The following SPATA6L variants were observed in gnomAD, a reference collection of about 807,000 sequenced individuals.
SPATA6L encodes spermatogenesis associated 6-like protein.
SPATA6L carries 68 observed loss-of-function variants against 49.2 expected under a neutral mutation model. The observed-to-expected ratio is 1.38, with a 90% CI of 1.14 to 1.69. The LOEUF is 1.69. SPATA6L is among the 40% of genes most tolerant of loss of function. The pLI is 0.00. For synonymous variants in SPATA6L, 198 were observed against 165.7 expected (o/e 1.19, Z -1.50); for missense variants, 668 against 464.3 (o/e 1.44, Z -4.03).
intron 3 of SPATA6L, among the ~76,000 whole-genome samples, chr9:4,642,807 A>G (rs1472020923): frequency 6.6e-6 from 1 of 152,008 alleles, no homozygotes; most frequent in Non-Finnish European, 1.5e-5. Context: ...TAAAAATAAG[A>G]ATTTATAACA....
chr9:4,646,412 TC>T, intron 3 of SPATA6L: 1 of 951,198 alleles, frequency 1.1e-6, no homozygotes, highest in Non-Finnish European at 1.5e-6. Context: ...TTAAGTACAG[TC>T]CCCATTTTGA....
Position 4,662,299 on chromosome 9 carries a change from G to A in SPATA6L, c.40-263C>T. 1 of 1,434,940 alleles carries A rather than the reference G, an allele frequency of 7.0e-7. No individual in the cohort carries two copies. The highest frequency in any genetic ancestry group is 9.1e-7 in the Non-Finnish European group (1 of 1,099,642). The allele number at this position is 1,434,940 out of a possible 1,614,324, so 88.9% of individuals were successfully genotyped here. Reference sequence around the variant, plus strand: ...CCCCGCCCCTCCGGGATGGTAGTGCGGAAGCGGAAGAGGCTGCAGGGCCGG... The same window carrying A: ...CCCCGCCCCTCCGGGATGGTAGTGCAGAAGCGGAAGAGGCTGCAGGGCCGG... On this transcript the variant is annotated intron_variant, in intron 1 of 11. Transcript: ENST00000682582. The surrounding 1 kb of genome is among the most constrained non-coding windows in gnomAD (Gnocchi z 4.9).
At chr9:4,621,669 G>C (rs552137007) in intron 7 of SPATA6L, among the ~76,000 whole-genome samples, 3 of 152,234 alleles carry the variant, frequency 2.0e-5, no homozygotes, top group East Asian at 3.9e-4. Flanking sequence ...TGTATTTTTA[G>C]TAGAGATGGG....
intron 9 of SPATA6L, among the ~76,000 whole-genome samples, chr9:4,606,309 G>A (rs1324991353): frequency 7.0e-6 from 1 of 143,230 alleles, no homozygotes; most frequent in African/African-American, 2.7e-5. Context: ...GCTCAAGGAG[G>A]CCTGCCTGCC....
intron 5 of SPATA6L, chr9:4,626,372 C>T: frequency 7.8e-7 from 1 of 1,285,956 alleles, no homozygotes; most frequent in Non-Finnish European, 1.0e-6. Context: ...GTGGCACCAG[C>T]AGTGAGCAGT....
In SPATA6L at chr9:4,614,239, T is replaced by A. The variant is rs117711241; in HGVS notation, c.995+3684A>T. 7.4e-4 allele frequency among the ~76,000 whole-genome samples: 112 copies of A among 152,302 alleles called. 2 individuals are homozygous for A. The East Asian group carries it at 0.019, about 26-fold the overall frequency. ...GAACAGGCTTGGCAGTGTTTCTCCC[T>A]CCTTTAGTACTCCCATTGTTCACTC... On this transcript the variant is annotated intron_variant, in intron 9 of 11. Coordinates refer to ENST00000682582, the MANE Select transcript of SPATA6L (RefSeq NM_001353486.2).
chr9:4,638,608 G>T (rs1298162619), intron 3 of SPATA6L, among the ~76,000 whole-genome samples: 1 of 151,908 alleles, frequency 6.6e-6, no homozygotes, highest in Non-Finnish European at 1.5e-5. Flanking sequence ...CCCTGTGATG[G>T]GTATAATCCT....
At chr9:4,635,524 C>T (rs1832620673) in intron 3 of SPATA6L, 125 bp from the exon 4 acceptor site, 4 of 911,294 alleles carry the variant, frequency 4.4e-6, no homozygotes, top group African/African-American at 1.8e-5. Flanking sequence ...GATCCTAGCA[C>T]ATGTTATTCA....
At chr9:4,647,159 G>A (rs1173092054) in intron 3 of SPATA6L, among the ~76,000 whole-genome samples, 1 of 151,570 alleles carries the variant, frequency 6.6e-6, no homozygotes, top group South Asian at 2.1e-4. Flanking sequence ...ATAAATAAGT[G>A]TATACATACA....
chr9:4,634,901 G>A (rs1832465804), intron 4 of SPATA6L, among the ~76,000 whole-genome samples: 1 of 152,128 alleles, frequency 6.6e-6, no homozygotes, highest in African/African-American at 2.4e-5. Context: ...GAATTGTTGG[G>A]AGAAAAATAT....
At chr9:4,617,858 C>T in intron 9 of SPATA6L, 65 bp downstream of exon 9, 1 of 1,367,738 alleles carries the variant, frequency 7.3e-7, no homozygotes. Flanking sequence ...GTGAAATGAC[C>T]CAGCTTTACC....
intron 9 of SPATA6L, among the ~76,000 whole-genome samples, chr9:4,615,499 T>C (rs57794269): frequency 0.079 from 12,068 of 152,236 alleles, 631 homozygotes; most frequent in East Asian, 0.27. Context: ...TGAGAATTGC[T>C]GGCCTGCTGC....
At chr9:4,654,836 G>C (rs1837746471) in intron 3 of SPATA6L, among the ~76,000 whole-genome samples, 1 of 151,866 alleles carries the variant, frequency 6.6e-6, no homozygotes. Context: ...GGCATGGTGG[G>C]CCAGGATGGT....
intron 8 of SPATA6L, 130 bp from the exon 9 acceptor site, chr9:4,618,240 G>A (rs1828469715): frequency 3.0e-6 from 2 of 667,362 alleles, no homozygotes; most frequent in Admixed American, 3.1e-5. Context: ...GGGATCTCCT[G>A]CAAATAGAAG....
chr9:4,650,637 C>G (rs1275707491), intron 3 of SPATA6L, among the ~76,000 whole-genome samples: 1 of 152,062 alleles, frequency 6.6e-6, no homozygotes, highest in Non-Finnish European at 1.5e-5. Context: ...AGAGACATTA[C>G]CACTGATTTT....
At chr9:4,618,360 T>C (rs966273633) in intron 8 of SPATA6L, among the ~76,000 whole-genome samples, 3 of 152,176 alleles carry the variant, frequency 2.0e-5, no homozygotes, top group Non-Finnish European at 2.9e-5. Context: ...AATAAACTCA[T>C]GCTCTGAACT....
chr9:4,625,132 T>A, intron 6 of SPATA6L, 195 bp downstream of exon 6: 1 of 995,698 alleles, frequency 1.0e-6, no homozygotes, highest in Non-Finnish European at 1.4e-6. Flanking sequence ...AAGTCCCCTG[T>A]ATAAGGTACC....
intron 5 of SPATA6L, chr9:4,626,332 A>C (rs1389786983): frequency 1.6e-6 from 2 of 1,232,366 alleles, no homozygotes; most frequent in Non-Finnish European, 2.1e-6. Flanking sequence ...ATTTGAGTCT[A>C]GACCCACAGG....
At chr9:4,648,014 T>A (rs1835823301) in intron 3 of SPATA6L, among the ~76,000 whole-genome samples, 1 of 152,120 alleles carries the variant, frequency 6.6e-6, no homozygotes, top group African/African-American at 2.4e-5. Flanking sequence ...TTTGTATTTT[T>A]AGTTGAGATG....
Sources: gnomAD v4.1 joint callset for allele counts (sites outside exome capture counted in the v4.1 genomes callset) on GRCh38, gnomAD v4.1.1 for gene constraint, Gnocchi (gnomAD v3.1) non-coding constraint, MANE v1.5 for transcripts, NCBI Gene and HGNC (gene_info 2026-07-23, HGNC 2026-07-21) for gene names.